ARHGAP15: variants seen among roughly 807,000 people sequenced by gnomAD.
ARHGAP15 encodes Rho GTPase activating protein 15.
In ARHGAP15, 51 loss-of-function variants were observed where a neutral mutation model predicts 63.7. That is an observed-to-expected ratio of 0.80 (90% confidence interval 0.64 to 1.01). The LOEUF is 1.01. Ranked by LOEUF, ARHGAP15 falls within the 50% of genes least tolerant of loss-of-function variation. The pLI is 0.00. For synonymous variants in ARHGAP15, 191 were observed against 193.8 expected, an observed-to-expected ratio of 0.99 and a Z score of 0.12; for missense variants, 560 against 564.6, an observed-to-expected ratio of 0.99 and a Z score of 0.08.
At chr2:143,185,773 A>G (rs1691423159) in intron 2 of ARHGAP15, among the ~76,000 whole-genome samples, 1 of 152,200 alleles carries the variant, frequency 6.6e-6, no homozygotes, top group South Asian at 2.1e-4. Context: ...TTAAGCAGAA[A>G]TTTTAAATGA....
At chr2:143,180,093 T>C (rs770742651) in intron 2 of ARHGAP15, among the ~76,000 whole-genome samples, 10 of 152,136 alleles carry the variant, frequency 6.6e-5, no homozygotes, top group Non-Finnish European at 1.2e-4. Context: ...CACAGTGAAG[T>C]TTACCACATT....
chr2:143,145,569 C>A (rs576453686), intron 1 of ARHGAP15, among the ~76,000 whole-genome samples: 11 of 152,134 alleles, frequency 7.2e-5, no homozygotes, highest in African/African-American at 2.6e-4. Flanking sequence ...TCTCAGTATT[C>A]CCCACCCTGT....
chr2:143,503,713 C>T (rs1053073197), intron 9 of ARHGAP15, among the ~76,000 whole-genome samples: 8 of 152,152 alleles, frequency 5.3e-5, no homozygotes, highest in African/African-American at 1.7e-4. Context: ...GCATTTTGAA[C>T]ACTCTGTGTG....
At chr2:143,647,778 G>A (rs1464380699) in intron 12 of ARHGAP15, among the ~76,000 whole-genome samples, 1 of 151,946 alleles carries the variant, frequency 6.6e-6, no homozygotes, top group Non-Finnish European at 1.5e-5. Context: ...AACTAGCAAC[G>A]TTAACTAGCT....
chr2:143,662,544 A>G (rs929838970), intron 12 of ARHGAP15, among the ~76,000 whole-genome samples: 2 of 138,356 alleles, frequency 1.4e-5, no homozygotes, highest in African/African-American at 5.0e-5. Context: ...CCTCACCAGC[A>G]ACGGAACAAA....
At chr2:143,458,244 C>T (rs1018662050) in intron 8 of ARHGAP15, among the ~76,000 whole-genome samples, 1 of 152,070 alleles carries the variant, frequency 6.6e-6, no homozygotes, top group African/African-American at 2.4e-5. Context: ...TGAAAGCACA[C>T]AAATAATCAG....
chr2:143,687,837 C>T (rs1261590736), intron 12 of ARHGAP15, among the ~76,000 whole-genome samples: 1 of 152,096 alleles, frequency 6.6e-6, no homozygotes, highest in African/African-American at 2.4e-5. Context: ...ATCCATACTC[C>T]TATTATTTAA....
At chr2:143,658,271 A>G (rs1278647456) in intron 12 of ARHGAP15, among the ~76,000 whole-genome samples, 1 of 152,204 alleles carries the variant, frequency 6.6e-6, no homozygotes, top group African/African-American at 2.4e-5. Flanking sequence ...CATCGTACCA[A>G]TGTGAAGACT....
chr2:143,655,707 C>A (rs1681399091), intron 12 of ARHGAP15, among the ~76,000 whole-genome samples: 1 of 152,050 alleles, frequency 6.6e-6, no homozygotes, highest in South Asian at 2.1e-4. Context: ...AATTACCATG[C>A]AGTTTGGAAG....
intron 2 of ARHGAP15, among the ~76,000 whole-genome samples, chr2:143,165,409 G>A (rs1294803615): frequency 6.6e-6 from 1 of 152,062 alleles, no homozygotes; most frequent in African/African-American, 2.4e-5. Flanking sequence ...CCAATGAGAA[G>A]GGACATGTGT....
At chr2:143,426,898 G>A (rs897264430) in intron 6 of ARHGAP15, among the ~76,000 whole-genome samples, 1 of 152,148 alleles carries the variant, frequency 6.6e-6, no homozygotes, top group South Asian at 2.1e-4. Context: ...ACTTCTAAGT[G>A]GCAGTATTGT....
intron 6 of ARHGAP15, among the ~76,000 whole-genome samples, chr2:143,328,137 T>C (rs1301260173): frequency 6.6e-6 from 1 of 152,224 alleles, no homozygotes; most frequent in East Asian, 1.9e-4. Flanking sequence ...ACTTTTACAC[T>C]ATTGGTGGGA....
intron 6 of ARHGAP15, among the ~76,000 whole-genome samples, chr2:143,310,228 C>T (rs1683376257): frequency 6.6e-6 from 1 of 152,004 alleles, no homozygotes. Flanking sequence ...AAAAACAGCA[C>T]TGTAATACTA....
intron 11 of ARHGAP15, among the ~76,000 whole-genome samples, chr2:143,616,112 G>T (rs1057252272): frequency 2.0e-5 from 3 of 152,024 alleles, no homozygotes; most frequent in Non-Finnish European, 4.4e-5. Context: ...CTACCTAAAC[G>T]AAATATCTAA....
chr2:143,606,978 C>T (rs1244325459), intron 11 of ARHGAP15: 1 of 152,198 alleles, frequency 6.6e-6, no homozygotes, highest in Non-Finnish European at 1.5e-5. Context: ...TATAATGCAA[C>T]AGTAATTATA....
intron 9 of ARHGAP15, among the ~76,000 whole-genome samples, chr2:143,507,761 G>A (rs768684063): frequency 1.3e-5 from 2 of 152,050 alleles, no homozygotes; most frequent in Non-Finnish European, 2.9e-5. Flanking sequence ...TCTATCTCAG[G>A]AAATATCACT....
intron 10 of ARHGAP15, among the ~76,000 whole-genome samples, chr2:143,524,058 G>A (rs182718482): frequency 6.6e-6 from 1 of 152,096 alleles, no homozygotes; most frequent in Non-Finnish European, 1.5e-5. Context: ...TGACAGGAAT[G>A]GTACACAAAG....
intron 9 of ARHGAP15, among the ~76,000 whole-genome samples, chr2:143,508,713 A>G (rs189267551): frequency 6.0e-4 from 49 of 81,850 alleles, no homozygotes; most frequent in South Asian, 3.8e-3. Context: ...AGACAAATAT[A>G]GAAGAATTTC....
chr2:143,767,042 C>T (rs1362760712), intron 13 of ARHGAP15, among the ~76,000 whole-genome samples: 1 of 152,132 alleles, frequency 6.6e-6, no homozygotes, highest in Non-Finnish European at 1.5e-5. Context: ...TTTCTACACT[C>T]TTATTTCCCT....
Sources: allele counts gnomAD v4.1 joint callset (sites outside exome capture counted in the v4.1 genomes callset), GRCh38; gene constraint gnomAD v4.1.1; transcripts MANE v1.5; gene names NCBI Gene and HGNC (gene_info 2026-07-23, HGNC 2026-07-21).